The following SF3B1 variants were observed in gnomAD, a reference collection of about 807,000 sequenced individuals.
SF3B1 encodes the protein splicing factor 3b subunit 1.
A neutral mutation model predicts 153.8 loss-of-function variants in SF3B1; 12 were observed. That is an observed-to-expected ratio of 0.08 (90% CI 0.05 to 0.13). The LOEUF is 0.13. Ranked by LOEUF, SF3B1 falls within the 10% of genes least tolerant of loss-of-function variation. The probability of loss-of-function intolerance (pLI) is 1.00; values close to 1 mark genes in which losing one functional copy is unlikely to be tolerated. For missense variants in SF3B1, 513 were observed against 1,606.1 expected, an observed-to-expected ratio of 0.32 and a Z score of 11.63; for synonymous variants, 498 against 525.2, an observed-to-expected ratio of 0.95 and a Z score of 0.71.
intron 4 of SF3B1, 69 bp downstream of exon 4, chr2:197,420,358 AT>A (rs778477274): frequency 8.3e-7 from 1 of 1,201,506 alleles, no homozygotes; most frequent in South Asian, 1.3e-5. Flanking sequence ...GCCAAAAAAA[AT>A]CAAAGGGCTA....
chr2:197,427,481 T>C (rs2085352958), intron 1 of SF3B1, among the ~76,000 whole-genome samples: 1 of 152,048 alleles, frequency 6.6e-6, no homozygotes, highest in African/African-American at 2.4e-5. Context: ...AACTAAAAAC[T>C]CAGAAATTTC....
At chr2:197,405,032 A>G (rs1464209693) in intron 11 of SF3B1, 44 bp downstream of exon 11, 9 of 1,332,456 alleles carry the variant, frequency 6.8e-6, no homozygotes, top group African/African-American at 1.5e-5. Flanking sequence ...TTTTAATTAA[A>G]TAAATAAGCA....
chr2:197,402,223 C>CA lies in SF3B1; in HGVS notation c.2078-94dup, dbSNP rs1405347620. The stretch of plus-strand genomic sequence containing the variant: ...TCTCTCAATATATCAACTATTCAGC[C>CA]AAACTGCAGAATATGTTCACATTAA... On this transcript the variant is annotated intron_variant, in intron 14 of 24. Transcript: ENST00000335508. This position sits in a 1 kb window ranked among gnomAD's most constrained non-coding sequence, Gnocchi z 4.6. The CA allele has an allele frequency of 3.3e-5, 47 of 1,412,658 alleles. No individual in the cohort carries two copies. The highest frequency in any genetic ancestry group is 4.3e-5 in the Non-Finnish European group (45 of 1,045,998). The allele number at this position is 1,412,658 out of a possible 1,614,324, so 87.5% of individuals were successfully genotyped here.
chr2:197,418,732 C>A, intron 4 of SF3B1, 144 bp from the exon 5 acceptor site: 1 of 1,450,100 alleles, frequency 6.9e-7, no homozygotes, highest in Non-Finnish European at 9.1e-7. Flanking sequence ...AATAATTATA[C>A]ATCTTACTTT....
chr2:197,399,162 C>T, intron 20 of SF3B1: 1 of 1,109,108 alleles, frequency 9.0e-7, no homozygotes, highest in Non-Finnish European at 1.2e-6. Flanking sequence ...TTTAAAACTC[C>T]CTGCAAACCA....
chr2:197,399,719 T>C (rs2084918259), intron 20 of SF3B1, among the ~76,000 whole-genome samples: 1 of 152,184 alleles, frequency 6.6e-6, no homozygotes, highest in Non-Finnish European at 1.5e-5. Flanking sequence ...GATTGCCTTT[T>C]CACCCCGCAG....
rs2105973569 is a variant in SF3B1 at position 197,392,355 on chromosome 2, T to A, written c.3863A>T (p.Tyr1288Phe). The A allele has an allele frequency of 6.4e-7, 1 of 1,553,564 alleles. No homozygotes were observed. The highest frequency in any genetic ancestry group is 8.9e-7 in the Non-Finnish European group (1 of 1,125,316). Residue 1288 changes from tyrosine to phenylalanine, a missense_variant, in exon 25 of 25, where the codon TAC becomes TTC. Tyr to Phe is a conservative substitution (Grantham distance 22). This residue lies in a region of SF3B1 where 33 missense variants were observed against 43.5 expected (regional missense o/e 0.76). Coordinates refer to ENST00000335508, the MANE Select transcript of SF3B1 (RefSeq NM_012433.4). The part of the protein sequence containing the change: ...DALIAHYPRI[Y>F]NDDKNTYIRY... ...AATATAGGTGTTCTTATCATCGTTG[T>A]AGATTCTTGGGTAATGTGCTATGAG...
At chr2:197,394,287 G>T (rs867637143) in intron 23 of SF3B1, among the ~76,000 whole-genome samples, 1 of 152,140 alleles carries the variant, frequency 6.6e-6, no homozygotes, top group Non-Finnish European at 1.5e-5. Context: ...GGGGTCAAGC[G>T]ATCCTCCCAC....
chr2:197,418,481 C>G, intron 5 of SF3B1, 28 bp downstream of exon 5: 2 of 1,529,480 alleles, frequency 1.3e-6, no homozygotes, highest in South Asian at 1.2e-5. Flanking sequence ...CTTTCACAAC[C>G]ATTAAAACAG....
In SF3B1 at chr2:197,392,916, TA is replaced by T. The variant is rs1445609342; in HGVS notation, c.3756+55del. ...CGTTCAGCACAAGTATCCCAGAACT[TA>T]AAGTATTATTTAAAAAAAAAAAATC... On this transcript the variant is annotated intron_variant, in intron 24 of 24. Transcript: ENST00000335508. 1.8e-5 allele frequency: 18 copies of T among 998,500 alleles called. No homozygotes were observed. The East Asian group carries it at 4.6e-4, about 25-fold the overall frequency. The allele number at this position is 998,500 out of a possible 1,614,324, so 61.9% of individuals were successfully genotyped here.
At chr2:197,418,412 G>A in intron 5 of SF3B1, 97 bp downstream of exon 5, 1 of 832,804 alleles carries the variant, frequency 1.2e-6, no homozygotes, top group East Asian at 2.7e-5. Flanking sequence ...ACTATTATTT[G>A]TGCAGCAAAT....
chr2:197,421,709 T>C (rs1200986404), intron 2 of SF3B1, among the ~76,000 whole-genome samples: 1 of 152,092 alleles, frequency 6.6e-6, no homozygotes, highest in East Asian at 1.9e-4. Context: ...CTGGGCAAGG[T>C]GGCTCACATC....
chr2:197,426,071 C>T (rs971058931), intron 1 of SF3B1, among the ~76,000 whole-genome samples: 3 of 151,478 alleles, frequency 2.0e-5, no homozygotes, highest in Non-Finnish European at 4.4e-5. Flanking sequence ...CAGTTGTGAT[C>T]GGATCTCAAA....
intron 8 of SF3B1, 62 bp from the exon 9 acceptor site, chr2:197,408,181 G>A: frequency 3.5e-6 from 5 of 1,446,750 alleles, no homozygotes; most frequent in Non-Finnish European, 4.8e-6. Flanking sequence ...TACATACATT[G>A]AGATAAAAGA....
intron 1 of SF3B1, among the ~76,000 whole-genome samples, chr2:197,432,700 T>A (rs912897875): frequency 1.1e-4 from 17 of 152,092 alleles, no homozygotes; most frequent in Admixed American, 2.0e-4. Flanking sequence ...CGAAACCCTG[T>A]CTCTAAAAAT....
At chr2:197,399,383 G>A (rs1310243001) in intron 20 of SF3B1, among the ~76,000 whole-genome samples, 1 of 152,074 alleles carries the variant, frequency 6.6e-6, no homozygotes, top group East Asian at 1.9e-4. Flanking sequence ...TCTAAACTCT[G>A]CAGGAGTTAC....
chr2:197,426,751 C>T (rs907108724), intron 1 of SF3B1, among the ~76,000 whole-genome samples: 4 of 152,058 alleles, frequency 2.6e-5, no homozygotes, highest in Admixed American at 6.5e-5. Flanking sequence ...AACAAACACC[C>T]TAGGAAACTA....
intron 1 of SF3B1, among the ~76,000 whole-genome samples, chr2:197,431,141 T>G (rs987377543): frequency 2.1e-5 from 3 of 140,024 alleles, no homozygotes; most frequent in African/African-American, 8.3e-5. Flanking sequence ...GAGACAGAGT[T>G]TCACTCAGTC....
At chr2:197,408,790 G>T in intron 7 of SF3B1, 1 of 535,520 alleles carries the variant, frequency 1.9e-6, no homozygotes, top group African/African-American at 1.9e-5. Flanking sequence ...AGGTGTGGTG[G>T]TGGGCGCTTG....
Sources: allele counts gnomAD v4.1 joint callset (sites outside exome capture counted in the v4.1 genomes callset), GRCh38; gene constraint gnomAD v4.1.1; regional missense constraint gnomAD v4.1.1; non-coding constraint Gnocchi (gnomAD v3.1); transcripts MANE v1.5; gene names NCBI Gene and HGNC (gene_info 2026-07-23, HGNC 2026-07-21).